The following ETNPPL variants were observed in gnomAD, a reference collection of about 807,000 sequenced individuals.
ETNPPL encodes the protein alanine--glyoxylate aminotransferase 2-like 1.
In ETNPPL, 30 loss-of-function variants were observed where a neutral mutation model predicts 55.5. That is an observed-to-expected ratio of 0.54 (90% CI 0.40 to 0.73). ETNPPL has a LOEUF of 0.73. Among genes scored for constraint, ETNPPL ranks in the 30% least tolerant of loss-of-function variants. ETNPPL has a pLI of 0.00. For missense variants in ETNPPL, 528 were observed against 607.9 expected (o/e 0.87, Z 1.38); for synonymous variants, 202 against 207.2 (o/e 0.98, Z 0.21).
intron 6 of ETNPPL, among the ~76,000 whole-genome samples, chr4:108,752,046 G>A (rs569666821): frequency 3.9e-5 from 6 of 152,258 alleles, no homozygotes; most frequent in African/African-American, 7.2e-5. Context: ...CCTACAACAC[G>A]TAGAGCTTTA....
At chr4:108,758,445 A>G (rs1241073717) in intron 3 of ETNPPL, among the ~76,000 whole-genome samples, 2 of 152,140 alleles carry the variant, frequency 1.3e-5, no homozygotes, top group Non-Finnish European at 2.9e-5. Context: ...TAATGATTTG[A>G]ATTTACAGAA....
In ETNPPL at chr4:108,750,797, T is replaced by A. The variant is rs913211066; in HGVS notation, c.701+139A>T. ...GGAAGGCTGAGAGAGCATCCAGGAGTCCTGGGTTGGCAGGCACTCAGGTGT... is the reference window on the plus strand; with the variant it reads ...GGAAGGCTGAGAGAGCATCCAGGAGACCTGGGTTGGCAGGCACTCAGGTGT... On this transcript the variant is annotated intron_variant, in intron 7 of 12. Transcript: ENST00000296486. 9.2e-6 allele frequency: 6 copies of A among 650,608 alleles called. No homozygotes were observed. In the African/African-American group the frequency reaches 1.1e-4, roughly 12 times the overall value. 40.3% of individuals were successfully genotyped at this position (650,608 alleles called of 1,614,324 possible).
intron 3 of ETNPPL, among the ~76,000 whole-genome samples, chr4:108,758,006 CTTTTT>C (rs11307616): frequency 3.4e-5 from 4 of 116,714 alleles, no homozygotes; most frequent in Non-Finnish European, 5.4e-5. Flanking sequence ...ATATTTCTTT[CTTTTT>C]TTTTTTTTTT....
chr4:108,751,676 A>T (rs1728920624), intron 6 of ETNPPL, among the ~76,000 whole-genome samples: 1 of 152,174 alleles, frequency 6.6e-6, no homozygotes, highest in Non-Finnish European at 1.5e-5. Flanking sequence ...AGTTCAGACT[A>T]CCCCTTAGTA....
chr4:108,762,675 T>A, intron 1 of ETNPPL, 168 bp downstream of exon 1: 1 of 806,492 alleles, frequency 1.2e-6, no homozygotes, highest in Non-Finnish European at 2.2e-6. Flanking sequence ...TTTCTGGGAG[T>A]CCGCGCGGCC....
At chr4:108,752,451 G>A (rs1728958469) in intron 6 of ETNPPL, among the ~76,000 whole-genome samples, 1 of 152,126 alleles carries the variant, frequency 6.6e-6, no homozygotes, top group Non-Finnish European at 1.5e-5. Context: ...TTTCTGCCTT[G>A]GCTTACCCAG....
chr4:108,759,195 G>A (rs1293358564), intron 3 of ETNPPL, among the ~76,000 whole-genome samples: 1 of 151,868 alleles, frequency 6.6e-6, no homozygotes, highest in Non-Finnish European at 1.5e-5. Flanking sequence ...CAGGCGCAGT[G>A]GCTCACGCCT....
chr4:108,760,277 TC>T lies in ETNPPL; in HGVS notation c.85del (p.Asp29IlefsTer5). The T allele has an allele frequency of 6.2e-7, 1 of 1,610,830 alleles. No individual in the cohort carries two copies. The highest frequency in any genetic ancestry group is 8.5e-7 in the Non-Finnish European group (1 of 1,177,460). ...GPSCKVFFASDPIKIVRAQRQ... is the reference protein window; with the variant it reads ...GPSCKVFFASXPIKIVRAQRQ... The stretch of plus-strand genomic sequence containing the variant: ...CTGGGCTCTCACTATTTTGATGGGA[TC>T]CGATGCAAAGAAAACTTTGCATGAG... On this transcript the variant is annotated frameshift_variant, in exon 2 of 13. Coordinates refer to ENST00000296486, the MANE Select transcript of ETNPPL (RefSeq NM_031279.4). LOFTEE classifies it high-confidence loss of function.
At chr4:108,757,658 G>C (rs139715255) in intron 3 of ETNPPL, among the ~76,000 whole-genome samples, 1 of 152,188 alleles carries the variant, frequency 6.6e-6, no homozygotes, top group African/African-American at 2.4e-5. Context: ...ATTAGTCTTG[G>C]CTGGGTGCGG....
At chr4:108,748,661 A>G (rs1728739437) in intron 8 of ETNPPL, among the ~76,000 whole-genome samples, 1 of 152,202 alleles carries the variant, frequency 6.6e-6, no homozygotes, top group African/African-American at 2.4e-5. Flanking sequence ...AAAAAATATA[A>G]TATCCCAAAG....
intron 1 of ETNPPL, chr4:108,762,345 C>T (rs1204073131): frequency 2.2e-6 from 1 of 462,384 alleles, no homozygotes; most frequent in African/African-American, 2.0e-5. Context: ...CTAGATAAAC[C>T]CTTCATCACT....
chr4:108,751,631 A>G (rs574192894), intron 6 of ETNPPL, among the ~76,000 whole-genome samples: 1 of 152,358 alleles, frequency 6.6e-6, no homozygotes, highest in African/African-American at 2.4e-5. Flanking sequence ...AAGCACAAAG[A>G]ATGTGAGATA....
In ETNPPL at chr4:108,749,326, A is replaced by G; in HGVS notation, c.839T>C (p.Met280Thr). 1.2e-6 allele frequency: 2 copies of G among 1,614,142 alleles called. No homozygotes were observed. The highest frequency in any genetic ancestry group is 1.1e-5 in the South Asian group (1 of 91,076). The change falls in exon 8 of 13, where the codon ATG becomes ACG. Residue 280 changes from methionine to threonine, a missense_variant. Transcript: ENST00000296486. ...ACATGCCACCGGGTGGCCGTTGCCC[A>G]TCGGTTTTCCCATTGTGACGATGTC... Reference protein sequence around the residue: ...VPDIVTMGKPMGNGHPVACVV... With the variant: ...VPDIVTMGKPTGNGHPVACVV...
chr4:108,750,365 G>C (rs1476958534), intron 7 of ETNPPL, among the ~76,000 whole-genome samples: 2 of 151,862 alleles, frequency 1.3e-5, no homozygotes, highest in African/African-American at 4.8e-5. Context: ...CATGCTGGAT[G>C]CTTCCTGCCC....
At chr4:108,742,663 C>CTCCT (rs769074092) in intron 12 of ETNPPL, 51 bp from the exon 13 acceptor site, 1 of 1,609,176 alleles carries the variant, frequency 6.2e-7, no homozygotes, top group South Asian at 1.1e-5. Flanking sequence ...CTAATCCAGC[C>CTCCT]TCCACAGGAC....
rs777301374 is a variant in ETNPPL, at chr4:108,749,373, C to T, written c.792G>A (p.Met264Ile). 11 of 1,614,056 alleles carry T rather than the reference C, an allele frequency of 6.8e-6. No individual in the cohort carries two copies. The highest frequency in any genetic ancestry group is 1.6e-4 in the Middle Eastern group (1 of 6,062). ...TGTCTGGAACAAAGTCTTCACCATA[C>T]ATCTGGAAGCTCCAGAAATGTTTCC... ...RVGKHFWSFQ[M>I]YGEDFVPDIV... The change falls in exon 8 of 13, where the codon ATG becomes ATA. Residue 264 changes from methionine to isoleucine, a missense_variant. Transcript: ENST00000296486.
chr4:108,748,087 C>T lies in ETNPPL; in HGVS notation c.1000G>A (p.Gly334Arg). 6.2e-7 allele frequency: 1 copy of T among 1,611,394 alleles called. No homozygotes were observed. Among genetic ancestry groups the T allele is most frequent in the Non-Finnish European group, 8.5e-7 (1 of 1,178,832 alleles). Residue 334 changes from glycine to arginine, a missense_variant, in exon 9 of 13, where the codon GGA becomes AGA. By Grantham distance (125) the Gly-to-Arg change is moderately radical (BLOSUM62 -2). Transcript: ENST00000296486. The stretch of plus-strand genomic sequence containing the variant: ...TAATTCCCTACTCTCTTGGCATTTC[C>T]TTGAAGGTCTTCATTTTCAATTATA... ...LDIIENEDLQ[G>R]NAKRVGNYLT...
intron 12 of ETNPPL, 116 bp from the exon 13 acceptor site, chr4:108,742,728 C>T (rs1200526424): frequency 4.1e-5 from 46 of 1,131,608 alleles, no homozygotes; most frequent in East Asian, 7.1e-5. Flanking sequence ...AACAAAACAA[C>T]ACTGCTTGCT....
intron 8 of ETNPPL, among the ~76,000 whole-genome samples, chr4:108,748,563 TCTTA>T (rs1292416264): frequency 2.0e-5 from 3 of 152,160 alleles, no homozygotes; most frequent in Admixed American, 6.5e-5. Context: ...CAGATTTGAA[TCTTA>T]CTTTTAGCTG....
Sources: allele counts gnomAD v4.1 joint callset (sites outside exome capture counted in the v4.1 genomes callset), GRCh38; gene constraint gnomAD v4.1.1; transcripts MANE v1.5; gene names NCBI Gene and HGNC (gene_info 2026-07-23, HGNC 2026-07-21).